Variants in ADAMTS17 observed in about 807,000 individuals in gnomAD.
ADAMTS17 encodes the protein A disintegrin and metalloproteinase with thrombospondin motifs 17.
In ADAMTS17, 113 loss-of-function variants were observed where a neutral mutation model predicts 141.5. The ratio of observed to expected loss-of-function variants is 0.80; its 90% CI spans 0.69 to 0.93. The LOEUF (loss-of-function observed/expected upper bound fraction) is 0.93. Ranked by LOEUF, ADAMTS17 falls within the 40% of genes least tolerant of loss-of-function variation. The probability of loss-of-function intolerance (pLI) is 0.00; values close to 1 mark genes in which losing one functional copy is unlikely to be tolerated. For synonymous variants in ADAMTS17, 768 were observed against 630.6 expected, an observed-to-expected ratio of 1.22 and a Z score of -3.27; for missense variants, 1,659 against 1,517.9, an observed-to-expected ratio of 1.09 and a Z score of -1.54.
intron 20 of ADAMTS17, among the ~76,000 whole-genome samples, chr15:99,982,889 T>C (rs1270476929): frequency 6.6e-6 from 1 of 152,146 alleles, no homozygotes; most frequent in African/African-American, 2.4e-5. Context: ...TCTGCATCTG[T>C]CCACCACCCT....
At chr15:99,989,613 T>C (rs2573602) in intron 20 of ADAMTS17, among the ~76,000 whole-genome samples, 16,092 of 152,208 alleles carry the variant, frequency 0.11, 2,583 homozygotes, top group African/African-American at 0.35. Flanking sequence ...GTGTTACTTA[T>C]GGATCAGAAC....
chr15:100,333,732 G>A (rs576787299), intron 2 of ADAMTS17, among the ~76,000 whole-genome samples: 10 of 152,336 alleles, frequency 6.6e-5, no homozygotes, highest in African/African-American at 2.4e-4. Flanking sequence ...ATCTATGCGG[G>A]GAAGGGAGAC....
At chr15:100,148,435 C>T (rs1253355882) in intron 10 of ADAMTS17, among the ~76,000 whole-genome samples, 1 of 151,838 alleles carries the variant, frequency 6.6e-6, no homozygotes, top group Non-Finnish European at 1.5e-5. Flanking sequence ...CTTGGTGATA[C>T]ATTTTTTTCA....
intron 4 of ADAMTS17, among the ~76,000 whole-genome samples, chr15:100,276,565 T>C (rs970167995): frequency 1.4e-4 from 21 of 151,798 alleles, no homozygotes; most frequent in Non-Finnish European, 2.8e-4. Flanking sequence ...ATCATGCTAT[T>C]TCCCACAACT....
chr15:100,262,296 A>C (rs990311720), intron 5 of ADAMTS17, 56 bp downstream of exon 5: 14 of 1,516,794 alleles, frequency 9.2e-6, no homozygotes, highest in Admixed American at 5.1e-5. Flanking sequence ...AGCAGTTGAG[A>C]AGCTCCAGCC....
intron 13 of ADAMTS17, among the ~76,000 whole-genome samples, chr15:100,116,157 A>AC (rs2037116207): frequency 1.3e-5 from 2 of 150,278 alleles, no homozygotes; most frequent in African/African-American, 4.9e-5. Flanking sequence ...AAAAAAAAAA[A>AC]ACCCAACAAC....
chr15:100,155,685 G>A (rs1305647944), intron 8 of ADAMTS17, among the ~76,000 whole-genome samples: 1 of 152,158 alleles, frequency 6.6e-6, no homozygotes, highest in Admixed American at 6.5e-5. Context: ...CATGGTTTTG[G>A]TGTTTCTGTT....
At chr15:100,216,816 T>C (rs1274214032) in intron 7 of ADAMTS17, among the ~76,000 whole-genome samples, 1 of 152,160 alleles carries the variant, frequency 6.6e-6, no homozygotes, top group Non-Finnish European at 1.5e-5. Flanking sequence ...CTTTTTCAGA[T>C]TTTGAGATAG....
At chr15:100,094,783 C>T (rs772662003) in intron 15 of ADAMTS17, among the ~76,000 whole-genome samples, 11 of 152,178 alleles carry the variant, frequency 7.2e-5, no homozygotes, top group Non-Finnish European at 1.2e-4. Context: ...AGTTTTGCTC[C>T]TAAATGTTGC....
At chr15:99,977,392 A>T (rs1244959789) in intron 20 of ADAMTS17, among the ~76,000 whole-genome samples, 153 of 6,554 alleles carry the variant, frequency 0.023, 25 homozygotes, top group Middle Eastern at 0.12. Flanking sequence ...ATATATATAT[A>T]TATATATAAT....
intron 2 of ADAMTS17, among the ~76,000 whole-genome samples, chr15:100,335,572 C>T (rs903612375): frequency 6.6e-6 from 1 of 152,222 alleles, no homozygotes; most frequent in Non-Finnish European, 1.5e-5. Flanking sequence ...GCATCCTGCA[C>T]GTGGCAGGTG....
At chr15:100,131,359 AAAGT>A (rs1178348045) in intron 12 of ADAMTS17, among the ~76,000 whole-genome samples, 1 of 84,582 alleles carries the variant, frequency 1.2e-5, no homozygotes, top group African/African-American at 3.7e-5. Context: ...CCCAGAACTT[AAAGT>A]ATGAAAAAAA....
intron 8 of ADAMTS17, among the ~76,000 whole-genome samples, chr15:100,155,646 T>A (rs2039399674): frequency 6.6e-6 from 1 of 152,246 alleles, no homozygotes; most frequent in Non-Finnish European, 1.5e-5. Flanking sequence ...TGGCTAGACT[T>A]GTTTTCTTAC....
At chr15:100,286,322 G>T (rs562680768) in intron 3 of ADAMTS17, among the ~76,000 whole-genome samples, 2 of 152,276 alleles carry the variant, frequency 1.3e-5, no homozygotes, top group African/African-American at 4.8e-5. Flanking sequence ...TGCTGCTGAG[G>T]CACAGGCAGT....
chr15:99,974,295 G>C lies in ADAMTS17; in HGVS notation c.*107C>G, dbSNP rs970324633. 7 of 1,455,116 alleles carry C rather than the reference G, an allele frequency of 4.8e-6. No homozygotes were observed. The highest frequency in any genetic ancestry group is 2.3e-4 in the Middle Eastern group (1 of 4,396). The allele number at this position is 1,455,116 out of a possible 1,614,324, so 90.1% of individuals were successfully genotyped here. A position where few individuals can be genotyped will look rare whatever the true frequency, so the allele number is the denominator to read the frequency against. ...TCCACGCTCATGTTCTATGTAGTTGGATTCTTGTGGCAGCCGGGTGGGGGC... is the reference window on the plus strand; with the variant it reads ...TCCACGCTCATGTTCTATGTAGTTGCATTCTTGTGGCAGCCGGGTGGGGGC... On this transcript the variant is annotated 3_prime_UTR_variant, in exon 22 of 22. Transcript: ENST00000268070.
At chr15:100,259,008 C>CAGTGA (rs1173959247) in intron 6 of ADAMTS17, among the ~76,000 whole-genome samples, 6 of 130,212 alleles carry the variant, frequency 4.6e-5, no homozygotes, top group African/African-American at 2.2e-4. Flanking sequence ...TTTCTCCACT[C>CAGTGA]AATGAAACAG....
chr15:100,020,520 C>T (rs1386037802), intron 18 of ADAMTS17, among the ~76,000 whole-genome samples: 1 of 152,194 alleles, frequency 6.6e-6, no homozygotes, highest in Non-Finnish European at 1.5e-5. Context: ...CTGCAAGCTG[C>T]AGGTTCACTC....
intron 12 of ADAMTS17, chr15:100,128,685 C>T (rs2037875319): frequency 6.6e-6 from 1 of 152,204 alleles, no homozygotes; most frequent in Admixed American, 6.5e-5. Context: ...GGCCATGGGA[C>T]CTGGGGGAAT....
intron 7 of ADAMTS17, among the ~76,000 whole-genome samples, chr15:100,226,683 A>G (rs1195911505): frequency 6.6e-6 from 1 of 152,218 alleles, no homozygotes; most frequent in African/African-American, 2.4e-5. Flanking sequence ...ATGGACCATA[A>G]AAGACCTCAG....
Sources: allele counts gnomAD v4.1 joint callset (sites outside exome capture counted in the v4.1 genomes callset), GRCh38; gene constraint gnomAD v4.1.1; transcripts MANE v1.5; gene names NCBI Gene and HGNC (gene_info 2026-07-23, HGNC 2026-07-21).